The following PALD1 variants were observed in gnomAD, a reference collection of about 807,000 sequenced individuals.
PALD1 encodes the protein paladin.
A neutral mutation model predicts 96.0 loss-of-function variants in PALD1; 57 were observed. That is an observed-to-expected ratio of 0.59 (90% CI 0.48 to 0.74). The LOEUF (loss-of-function observed/expected upper bound fraction) is 0.74. Ranked by LOEUF, PALD1 falls within the 30% of genes least tolerant of loss-of-function variation. The pLI is 0.00. For synonymous variants in PALD1, 464 were observed against 473.6 expected, an observed-to-expected ratio of 0.98 and a Z score of 0.26; for missense variants, 1,063 against 1,143.7, an observed-to-expected ratio of 0.93 and a Z score of 1.02.
the PALD1 span, among the ~76,000 whole-genome samples, chr10:70,473,269 G>A: frequency 6.6e-6 from 1 of 152,202 alleles, no homozygotes; most frequent in Admixed American, 6.5e-5. Flanking sequence ...GAAATGATCC[G>A]TGACTTGTCT....
chr10:70,535,405 A>C (rs761354842), intron 10 of PALD1, among the ~76,000 whole-genome samples: 16 of 65,980 alleles, frequency 2.4e-4, no homozygotes, highest in South Asian at 6.7e-4. Context: ...CTTTTTCCTC[A>C]CCCTCTTCCT....
At chr10:70,517,481 A>G (rs1457660680) in intron 1 of PALD1, among the ~76,000 whole-genome samples, 1 of 151,854 alleles carries the variant, frequency 6.6e-6, no homozygotes, top group African/African-American at 2.4e-5. Context: ...AGCCGGGACT[A>G]CAGGCATGTG....
chr10:70,539,582 C>G lies in PALD1; in HGVS notation c.1728C>G (p.Thr576=), dbSNP rs777321852. 1 of 1,607,262 alleles carries G rather than the reference C, an allele frequency of 6.2e-7. No individual in the cohort carries two copies. Among genetic ancestry groups the G allele is most frequent in the African/African-American group, 1.3e-5 (1 of 74,684 alleles). Residue 576 remains threonine (T), a splice_region_variant and synonymous_variant, in exon 15 of 20, where the codon ACC becomes ACG. Transcript: ENST00000263563. The surrounding 1 kb of genome is among the most constrained non-coding windows in gnomAD (Gnocchi z 4.5). ...GPPVAPDQLE[T]LEAQLKAHLS... is the part of the protein sequence containing the mutation. ...TCCTCCCTCCTGCCCTTGCCCAGAC[C>G]CTGGAGGCCCAGCTGAAGGCCCATC...
chr10:70,488,491 T>A (rs1298850049), intron 1 of PALD1, among the ~76,000 whole-genome samples: 1 of 152,208 alleles, frequency 6.6e-6, no homozygotes, highest in Non-Finnish European at 1.5e-5. Context: ...CCCTTTCCCC[T>A]CCTTCCCCTC....
chr10:70,515,313 TG>T (rs1846598997), intron 1 of PALD1, among the ~76,000 whole-genome samples: 1 of 152,234 alleles, frequency 6.6e-6, no homozygotes, highest in African/African-American at 2.4e-5. Context: ...TGGGGCCTCC[TG>T]GTTCTTGAGG....
At chr10:70,513,489 G>A (rs771387735) in intron 1 of PALD1, among the ~76,000 whole-genome samples, 1 of 152,076 alleles carries the variant, frequency 6.6e-6, no homozygotes, top group Non-Finnish European at 1.5e-5. Flanking sequence ...CAGCCTGGGC[G>A]ACACAGTGAG....
chr10:70,479,002 C>G lies in PALD1; in HGVS notation c.-87C>G, dbSNP rs571278083. On this transcript the variant is annotated 5_prime_UTR_variant, in exon 1 of 20. Coordinates refer to ENST00000263563, the MANE Select transcript of PALD1 (RefSeq NM_014431.3). The stretch of plus-strand genomic sequence containing the variant: ...GCTGCCTGACTCGGCGCCCGCAGTT[C>G]GGGCGCAGCACGCCGGCCGCAGGAG... The G allele has an allele frequency of 6.6e-6, 1 of 152,016 alleles. No individual in the cohort carries two copies. Among genetic ancestry groups the G allele is most frequent in the Non-Finnish European group, 1.5e-5 (1 of 68,022 alleles). The allele number at this position is 152,016 out of a possible 1,614,324, so 9.4% of individuals were successfully genotyped here.
At position 70,532,976 on chromosome 10, in the gene PALD1, G is replaced by A; in HGVS notation, c.795-19G>A. 6.4e-7 allele frequency: 1 copy of A among 1,568,294 alleles called. No homozygotes were observed. Among genetic ancestry groups the A allele is most frequent in the East Asian group, 2.4e-5 (1 of 42,226 alleles). ...CAGAGTGGGTGCCTGCCTGATGGCT[G>A]CTCTCCCTCACCTGGCAGGTACCAC... On this transcript the variant is annotated intron_variant, in intron 6 of 19. Transcript: ENST00000263563.
At chr10:70,564,890 A>G (rs534661587) in intron 19 of PALD1, among the ~76,000 whole-genome samples, 33 of 152,234 alleles carry the variant, frequency 2.2e-4, no homozygotes, top group African/African-American at 7.0e-4. Flanking sequence ...CATGCCCACA[A>G]TTGTGGTCAG....
rs1272066840 is a variant in PALD1, at chr10:70,538,904, C to A, written c.1465C>A (p.Leu489Met). ...IARGSLREDD[L>M]VSPDALSTVR... ...GCTCTCCCCACAGCGGGAGGACGAT[C>A]TGGTCTCCCCGGACGCGCTCAGCAC... Residue 489 changes from leucine to methionine, a missense_variant, in exon 13 of 20, where the codon CTG becomes ATG. Physicochemically the swap from Leu to Met is conservative, Grantham distance 15. Coordinates refer to ENST00000263563, the MANE Select transcript of PALD1 (RefSeq NM_014431.3). The A allele has an allele frequency of 2.5e-6, 4 of 1,613,314 alleles. No individual in the cohort carries two copies. The Admixed American group carries it at 6.7e-5, about 27-fold the overall frequency.
intron 1 of PALD1, among the ~76,000 whole-genome samples, chr10:70,493,876 A>G (rs1846141475): frequency 6.6e-6 from 1 of 151,908 alleles, no homozygotes; most frequent in Non-Finnish European, 1.5e-5. Context: ...TCCCCAACCA[A>G]CTCTTCTAAC....
chr10:70,562,331 T>G (rs1847757302), intron 18 of PALD1, among the ~76,000 whole-genome samples: 2 of 152,146 alleles, frequency 1.3e-5, no homozygotes, highest in African/African-American at 4.8e-5. Flanking sequence ...AGTTACCATC[T>G]ACTCTGCGAC....
In PALD1 at chr10:70,539,898, C is replaced by T. The variant is rs530211070; in HGVS notation, c.1908+136C>T. The T allele has an allele frequency of 1.9e-4, 129 of 695,442 alleles. No individual in the cohort carries two copies. The highest frequency in any genetic ancestry group is 2.7e-4 in the Non-Finnish European group (113 of 423,152). 43.1% of individuals were successfully genotyped at this position (695,442 alleles called of 1,614,324 possible). A position where few individuals can be genotyped will look rare whatever the true frequency, so the allele number is the denominator to read the frequency against. On this transcript the variant is annotated intron_variant, in intron 15 of 19. Coordinates refer to ENST00000263563, the MANE Select transcript of PALD1 (RefSeq NM_014431.3). The surrounding 1 kb of genome is among the most constrained non-coding windows in gnomAD (Gnocchi z 4.5). ...CCGGGAATGGTCTCACGAGGTTTTCCGATTTGGCCCAAGTGGTTTATTCAC... is the reference window on the plus strand; with the variant it reads ...CCGGGAATGGTCTCACGAGGTTTTCTGATTTGGCCCAAGTGGTTTATTCAC...
chr10:70,489,248 CACCCCA>C (rs1846063478), intron 1 of PALD1, among the ~76,000 whole-genome samples: 1 of 152,162 alleles, frequency 6.6e-6, no homozygotes, highest in Non-Finnish European at 1.5e-5. Flanking sequence ...CTCCTGGCCC[CACCCCA>C]ACCCCAACCA....
At chr10:70,553,961 G>A (rs1847536952) in intron 18 of PALD1, among the ~76,000 whole-genome samples, 1 of 152,234 alleles carries the variant, frequency 6.6e-6, no homozygotes, top group Non-Finnish European at 1.5e-5. Context: ...CACTGGGACA[G>A]ACCTTCCCTG....
chr10:70,554,398 T>C (rs74672184), intron 18 of PALD1, among the ~76,000 whole-genome samples: 13,714 of 152,078 alleles, frequency 0.09, 1,297 homozygotes, highest in East Asian at 0.55. Flanking sequence ...TGCTGCACTC[T>C]AGCCTGGGTG....
chr10:70,567,067 A>G lies in PALD1; in HGVS notation c.*334A>G. ...GGGCTCACTCCCCCAGTTGCCAAACACTGTGGATCTCTCTGTCCTCTTCTC... is the reference window on the plus strand; with the variant it reads ...GGGCTCACTCCCCCAGTTGCCAAACGCTGTGGATCTCTCTGTCCTCTTCTC... On this transcript the variant is annotated 3_prime_UTR_variant, in exon 20 of 20. Coordinates refer to ENST00000263563, the MANE Select transcript of PALD1 (RefSeq NM_014431.3). The G allele has an allele frequency of 3.8e-6, 1 of 263,738 alleles. No homozygotes were observed. Among genetic ancestry groups the G allele is most frequent in the South Asian group, 8.1e-5 (1 of 12,420 alleles). 16.3% of individuals were successfully genotyped at this position (263,738 alleles called of 1,614,324 possible). A position where few individuals can be genotyped will look rare whatever the true frequency, so the allele number is the denominator to read the frequency against.
intron 1 of PALD1, among the ~76,000 whole-genome samples, chr10:70,522,195 A>ATG (rs1846752280): frequency 2.0e-5 from 3 of 150,420 alleles, no homozygotes; most frequent in Admixed American, 1.3e-4. Context: ...GGCCGTTGTG[A>ATG]TTTTTTTTTT....
chr10:70,469,609 G>A, the PALD1 span, among the ~76,000 whole-genome samples: 1 of 152,080 alleles, frequency 6.6e-6, no homozygotes, highest in Non-Finnish European at 1.5e-5. Context: ...GATGCAAAGG[G>A]TGGGTGGGCT....
Sources: allele counts gnomAD v4.1 joint callset (sites outside exome capture counted in the v4.1 genomes callset), GRCh38; gene constraint gnomAD v4.1.1; non-coding constraint Gnocchi (gnomAD v3.1); transcripts MANE v1.5; gene names NCBI Gene and HGNC (gene_info 2026-07-23, HGNC 2026-07-21).